Variants in BIRC6 observed in about 807,000 individuals in gnomAD.
BIRC6 encodes the protein baculoviral IAP repeat containing 6.
A neutral mutation model predicts 503.3 loss-of-function variants in BIRC6; 98 were observed. The ratio of observed to expected loss-of-function variants is 0.19; its 90% CI spans 0.17 to 0.23. The LOEUF (loss-of-function observed/expected upper bound fraction) is 0.23, where lower values mean the gene tolerates loss of function less well. Ranked by LOEUF, BIRC6 falls within the 10% of genes least tolerant of loss-of-function variation. The probability of loss-of-function intolerance (pLI) is 1.00; values close to 1 mark genes in which losing one functional copy is unlikely to be tolerated. For missense variants in BIRC6, 5,360 were observed against 5,806.0 expected, an observed-to-expected ratio of 0.92 and a Z score of 2.50; for synonymous variants, 2,240 against 2,078.7, an observed-to-expected ratio of 1.08 and a Z score of -2.11.
chr2:32,439,471 A>G (rs750352213), intron 15 of BIRC6, 37 bp from the exon 16 acceptor site: 1 of 1,568,654 alleles, frequency 6.4e-7, no homozygotes, highest in East Asian at 2.3e-5. Flanking sequence ...TTTATTGGTG[A>G]TTCAGTTATT....
At chr2:32,416,922 C>T (rs1020351624) in intron 10 of BIRC6, among the ~76,000 whole-genome samples, 2 of 150,714 alleles carry the variant, frequency 1.3e-5, no homozygotes, top group Non-Finnish European at 1.5e-5. Context: ...CTGCAACATC[C>T]GCTCCCAGGT....
rs940243498 is a variant in BIRC6, at chr2:32,462,054, T to A, written c.4754-1140T>A. 6.3e-3 allele frequency among the ~76,000 whole-genome samples: 873 copies of A among 137,566 alleles called. 12 individuals are homozygous for A. Among genetic ancestry groups the A allele is most frequent in the African/African-American group, 0.021 (797 of 37,624 alleles). 90.2% of individuals were successfully genotyped at this position (137,566 alleles called of 152,430 possible). On this transcript the variant is annotated intron_variant, in intron 23 of 73. Transcript: ENST00000421745. ...TACTTAATCAGCAAAAAAATAAAAA[T>A]AAAAAAAAAAAGGTGGGGGGGATCA... is the stretch of plus-strand genomic sequence containing the variant.
Position 32,521,182 on chromosome 2 carries a change from G to A in BIRC6, c.11623+2236G>A, listed in dbSNP as rs575234424. On this transcript the variant is annotated intron_variant, in intron 57 of 73. Transcript: ENST00000421745. ...TATTTTCTGATATATTTACTTGTACGTTTATATTAGATCAACATGTATAAG... is the reference window on the plus strand; with the variant it reads ...TATTTTCTGATATATTTACTTGTACATTTATATTAGATCAACATGTATAAG... Among the ~76,000 whole-genome samples the A allele has an allele frequency of 1.5e-3, 234 of 151,398 alleles. 1 individual carries two copies. Among genetic ancestry groups the A allele is most frequent in the African/African-American group, 5.3e-3 (219 of 41,346 alleles).
At chr2:32,518,667 A>C (rs2055324550) in intron 56 of BIRC6, 150 bp from the exon 57 acceptor site, 2 of 1,057,312 alleles carry the variant, frequency 1.9e-6, no homozygotes, top group African/African-American at 3.2e-5. Flanking sequence ...AAAGTTGACC[A>C]ACAAATCATG....
chr2:32,587,895 T>A (rs1302838913), intron 66 of BIRC6, among the ~76,000 whole-genome samples: 2 of 152,206 alleles, frequency 1.3e-5, no homozygotes, highest in Middle Eastern at 3.2e-3. Flanking sequence ...CATATTTCAC[T>A]AAATATCCAT....
intron 23 of BIRC6, among the ~76,000 whole-genome samples, chr2:32,462,162 A>G (rs990203701): frequency 2.0e-5 from 3 of 152,044 alleles, no homozygotes; most frequent in African/African-American, 7.2e-5. Flanking sequence ...CATACTAAAT[A>G]TTTGCTATTC....
At chr2:32,414,741 A>G (rs762224677) in intron 9 of BIRC6, 28 bp from the exon 10 acceptor site, 19 of 1,560,306 alleles carry the variant, frequency 1.2e-5, no homozygotes, top group Admixed American at 1.8e-5. Context: ...GTAGAAACAT[A>G]TCTAATGAAT....
At chr2:32,476,494 A>G (rs2049780957) in intron 34 of BIRC6, 150 bp downstream of exon 34, 3 of 671,014 alleles carry the variant, frequency 4.5e-6, no homozygotes, top group African/African-American at 3.8e-5. Context: ...AGTTTAACTG[A>G]AGGAAATGTA....
In BIRC6 at chr2:32,477,444, C is replaced by T. The variant is rs753090244; in HGVS notation, c.6929C>T (p.Ala2310Val). ...AATTTAGACACAGAAGTTACAACAG[C>T]AAAAGAAAGTCCTGAGATAGAACCA... Reference protein sequence around the residue: ...RSNLDTEVTTAKESPEIEPLP... With the variant: ...RSNLDTEVTTVKESPEIEPLP... Residue 2310 changes from alanine to valine, a missense_variant, in exon 35 of 74, where the codon GCA becomes GTA. Around this residue, in one of 16 missense-constraint regions of BIRC6, gnomAD observed 2,299 missense variants for 2,267.2 expected, o/e 1.01. Coordinates refer to ENST00000421745, the MANE Select transcript of BIRC6 (RefSeq NM_016252.4). The T allele has an allele frequency of 1.9e-6, 3 of 1,613,958 alleles. No homozygotes were observed. The highest frequency in any genetic ancestry group is 2.2e-5 in the South Asian group (2 of 91,074).
intron 35 of BIRC6, among the ~76,000 whole-genome samples, chr2:32,478,342 TAAA>T (rs1351310455): frequency 6.6e-6 from 1 of 151,872 alleles, no homozygotes; most frequent in Admixed American, 6.6e-5. Context: ...CTCAAAAAAA[TAAA>T]AAAAGAAGAA....
At chr2:32,555,079 T>G (rs1043688783) in intron 65 of BIRC6, among the ~76,000 whole-genome samples, 7 of 152,188 alleles carry the variant, frequency 4.6e-5, no homozygotes, top group African/African-American at 1.7e-4. Context: ...TTTGTTGATA[T>G]ACACTGCCTG....
At chr2:32,538,514 T>A (rs2057411374) in intron 61 of BIRC6, among the ~76,000 whole-genome samples, 1 of 152,236 alleles carries the variant, frequency 6.6e-6, no homozygotes, top group African/African-American at 2.4e-5. Context: ...ACTCTTCTAA[T>A]AAATTACAAA....
In BIRC6 at chr2:32,592,569, T is replaced by C. The variant is rs187360756; in HGVS notation, c.13356-1346T>C. ...AAGGAAAGGTTCATTTGTATGTAGA[T>C]GACATAGTATTATTTGTTAAGGATT... is the stretch of plus-strand genomic sequence containing the variant. On this transcript the variant is annotated intron_variant, in intron 66 of 73. Transcript: ENST00000421745. 1.5e-3 allele frequency among the ~76,000 whole-genome samples: 230 copies of C among 152,202 alleles called. 1 individual carries two copies. The highest frequency in any genetic ancestry group is 5.3e-3 in the African/African-American group (221 of 41,544).
At chr2:32,390,099 A>C (rs1354962016) in intron 4 of BIRC6, among the ~76,000 whole-genome samples, 6 of 152,004 alleles carry the variant, frequency 3.9e-5, no homozygotes, top group Admixed American at 3.3e-4. Context: ...ACCTCAGGTG[A>C]TCTACCTGCC....
At chr2:32,534,062 GA>G (rs1202658354) in intron 61 of BIRC6, among the ~76,000 whole-genome samples, 1 of 152,118 alleles carries the variant, frequency 6.6e-6, no homozygotes, top group Non-Finnish European at 1.5e-5. Flanking sequence ...TGTTTAATAA[GA>G]GACACTGTCT....
intron 12 of BIRC6, among the ~76,000 whole-genome samples, chr2:32,431,891 G>A (rs997045184): frequency 6.6e-6 from 1 of 152,216 alleles, no homozygotes; most frequent in African/African-American, 2.4e-5. Context: ...ACAGAGTATG[G>A]CAATAGAGTA....
intron 6 of BIRC6, among the ~76,000 whole-genome samples, chr2:32,396,247 A>T (rs1165569064): frequency 6.6e-6 from 1 of 152,102 alleles, no homozygotes; most frequent in Non-Finnish European, 1.5e-5. Context: ...GGGAACTATG[A>T]ATATTTTCCA....
intron 19 of BIRC6, among the ~76,000 whole-genome samples, chr2:32,442,867 G>C (rs918790342): frequency 1.3e-5 from 2 of 151,894 alleles, no homozygotes; most frequent in African/African-American, 4.8e-5. Context: ...AAACAAATTA[G>C]AACAGTCTGC....
rs1421338826 is a variant in BIRC6 at position 32,377,622 on chromosome 2, C to T, written c.360C>T (p.Ile120=). Residue 120 remains isoleucine (I), a synonymous_variant, in exon 2 of 74, where the codon ATC becomes ATT. Transcript: ENST00000421745. ...KPGGQVKCQY[I]SAVDKVIFVD... ...GTGGACAGGTGAAATGTCAGTATAT[C>T]TCTGCTGTGGATAAAGTTATATTTG... The T allele has an allele frequency of 1.2e-6, 2 of 1,612,368 alleles. No homozygotes were observed. Among genetic ancestry groups the T allele is most frequent in the Middle Eastern group, 1.7e-4 (1 of 6,050 alleles).
Sources: allele counts gnomAD v4.1 joint callset (sites outside exome capture counted in the v4.1 genomes callset), GRCh38; gene constraint gnomAD v4.1.1; regional missense constraint gnomAD v4.1.1; transcripts MANE v1.5; gene names NCBI Gene and HGNC (gene_info 2026-07-23, HGNC 2026-07-21).